ENTREP1: variants seen among roughly 807,000 people sequenced by gnomAD.
ENTREP1 encodes endosomal transmembrane epsin interactor 1.
the ENTREP1 span, among the ~76,000 whole-genome samples, chr9:69,371,853 T>C: frequency 1.3e-5 from 2 of 152,210 alleles, no homozygotes; most frequent in South Asian, 2.1e-4. Context: ...TAATGCATCA[T>C]TAGTTAGTGA....
chr9:69,371,294 A>G, the ENTREP1 span: 1 of 611,170 alleles, frequency 1.6e-6, no homozygotes. Flanking sequence ...GGTTATTGAG[A>G]AGACTTAAGA....
At chr9:69,376,749 G>A in the ENTREP1 span, among the ~76,000 whole-genome samples, 1 of 152,176 alleles carries the variant, frequency 6.6e-6, no homozygotes, top group East Asian at 1.9e-4. Context: ...TCTGAGCCAG[G>A]ACTTAGCTTG....
the ENTREP1 span, among the ~76,000 whole-genome samples, chr9:69,367,888 T>TATATATACACAC: frequency 6.4e-5 from 9 of 140,952 alleles, no homozygotes; most frequent in East Asian, 1.4e-3. Context: ...TATATACACA[T>TATATATACACAC]ATATATATAC....
the ENTREP1 span, among the ~76,000 whole-genome samples, chr9:69,369,909 A>G: frequency 4.6e-5 from 7 of 151,890 alleles, no homozygotes; most frequent in African/African-American, 1.7e-4. Context: ...TTGTCTCTTT[A>G]TTATTGATTT....
chr9:69,384,527 T>G, the ENTREP1 span, among the ~76,000 whole-genome samples: 2 of 152,170 alleles, frequency 1.3e-5, no homozygotes. Flanking sequence ...TATTGCAAGG[T>G]GATTTGTGGT....
the ENTREP1 span, among the ~76,000 whole-genome samples, chr9:69,367,638 T>C: frequency 7.6e-6 from 1 of 131,976 alleles, no homozygotes; most frequent in African/African-American, 2.8e-5. Flanking sequence ...TAAATATATA[T>C]ATACACACAT....
the ENTREP1 span, among the ~76,000 whole-genome samples, chr9:69,340,636 C>CATGTGTGTGTGCATGTGTGT: frequency 2.5e-4 from 30 of 120,526 alleles, no homozygotes; most frequent in African/African-American, 8.5e-4. Flanking sequence ...TGTGTGTGTG[C>CATGTGTGTGTGCATGTGTGT]GTGCATGTGT....
the ENTREP1 span, among the ~76,000 whole-genome samples, chr9:69,345,886 G>A: frequency 2.6e-5 from 4 of 152,042 alleles, no homozygotes; most frequent in Non-Finnish European, 5.9e-5. Flanking sequence ...TTACAGATGT[G>A]AGCTACTGTG....
At chr9:69,373,956 G>A in the ENTREP1 span, among the ~76,000 whole-genome samples, 4 of 152,060 alleles carry the variant, frequency 2.6e-5, no homozygotes, top group African/African-American at 9.7e-5. Flanking sequence ...AATATTGTTT[G>A]TTGTACTCCA....
chr9:69,344,641 A>G, the ENTREP1 span, among the ~76,000 whole-genome samples: 2 of 152,182 alleles, frequency 1.3e-5, no homozygotes, highest in Non-Finnish European at 2.9e-5. Flanking sequence ...TCTGAATGCT[A>G]GCAGCCAGCC....
the ENTREP1 span, chr9:69,375,847 G>C: frequency 6.2e-7 from 1 of 1,613,442 alleles, no homozygotes; most frequent in Non-Finnish European, 8.5e-7. Flanking sequence ...CTGTAGTGCT[G>C]TTCACCTTCT....
At chr9:69,388,835 A>G in the ENTREP1 span, among the ~76,000 whole-genome samples, 1 of 152,232 alleles carries the variant, frequency 6.6e-6, no homozygotes, top group Non-Finnish European at 1.5e-5. Context: ...AAATGATGAC[A>G]TAGGTGAATT....
At chr9:69,376,655 A>G in the ENTREP1 span, among the ~76,000 whole-genome samples, 6 of 152,130 alleles carry the variant, frequency 3.9e-5, no homozygotes, top group African/African-American at 1.2e-4. Context: ...GTTCCAAGCT[A>G]CCAGCTCTGG....
At chr9:69,333,248 A>G in the ENTREP1 span, among the ~76,000 whole-genome samples, 1 of 151,738 alleles carries the variant, frequency 6.6e-6, no homozygotes, top group Non-Finnish European at 1.5e-5. Context: ...GGGGCAGAAC[A>G]GTTTAGGCAT....
the ENTREP1 span, among the ~76,000 whole-genome samples, chr9:69,345,675 C>G: frequency 2.0e-5 from 3 of 152,198 alleles, no homozygotes; most frequent in South Asian, 2.1e-4. Context: ...CAATCTTGGC[C>G]TTCTGCAACC....
At chr9:69,325,325 G>T in the ENTREP1 span, 1 of 1,185,122 alleles carries the variant, frequency 8.4e-7, no homozygotes, top group East Asian at 3.6e-5. Flanking sequence ...CCTGCCCGTG[G>T]TGCTCCCGGG....
At chr9:69,350,652 G>A in the ENTREP1 span, among the ~76,000 whole-genome samples, 1 of 152,090 alleles carries the variant, frequency 6.6e-6, no homozygotes, top group Non-Finnish European at 1.5e-5. Flanking sequence ...ATAATTTTCA[G>A]AAAGAATTGA....
At chr9:69,346,917 A>T in the ENTREP1 span, among the ~76,000 whole-genome samples, 2 of 152,174 alleles carry the variant, frequency 1.3e-5, no homozygotes. Context: ...TTTGAGTTCC[A>T]CCTTCTCATG....
the ENTREP1 span, chr9:69,391,642 G>A: frequency 1.9e-6 from 3 of 1,614,010 alleles, no homozygotes; most frequent in Non-Finnish European, 2.5e-6. Context: ...GGGCCCACAA[G>A]CTGCCCTCGC....
Sources: gnomAD v4.1 joint callset for allele counts (sites outside exome capture counted in the v4.1 genomes callset) on GRCh38, gnomAD v4.1.1 for gene constraint, MANE v1.5 for transcripts, NCBI Gene and HGNC (gene_info 2026-07-23, HGNC 2026-07-21) for gene names.